SORL1-AS1: variants seen among roughly 807,000 people sequenced by gnomAD.
SORL1-AS1 encodes SORL1 antisense RNA 1.
chr11:121,451,108 T>C (rs1237671952), intron 1 of SORL1-AS1, among the ~76,000 whole-genome samples: 2 of 152,182 alleles, frequency 1.3e-5, no homozygotes, highest in Non-Finnish European at 2.9e-5. Flanking sequence ...TATGCAACTA[T>C]AAAGGTAGTC....
chr11:121,446,575 A>T (rs1860726946), downstream of SORL1-AS1, among the ~76,000 whole-genome samples: 3 of 151,880 alleles, frequency 2.0e-5, no homozygotes, highest in South Asian at 6.2e-4. Context: ...ACATGGTGAA[A>T]CCCCGTCTCT....
At chr11:121,442,157 T>C in the SORL1-AS1 span, among the ~76,000 whole-genome samples, 13 of 152,106 alleles carry the variant, frequency 8.5e-5, no homozygotes, top group Non-Finnish European at 1.8e-4. Context: ...ATTAAGTAAA[T>C]ATTTATTAGC....
At chr11:121,441,529 T>TAAAAAAAAA in the SORL1-AS1 span, among the ~76,000 whole-genome samples, 1 of 62,146 alleles carries the variant, frequency 1.6e-5, no homozygotes, top group African/African-American at 1.4e-4. Flanking sequence ...AGACTCTGTC[T>TAAAAAAAAA]CAAAAAAAAA....
At chr11:121,451,457 GCTTGGTCAC>G (rs1860791699) in intron 1 of SORL1-AS1, among the ~76,000 whole-genome samples, 1 of 152,342 alleles carries the variant, frequency 6.6e-6, no homozygotes, top group South Asian at 2.1e-4. Flanking sequence ...GTGGCTCAGT[GCTTGGTCAC>G]CTTGGAGGGA....
At chr11:121,449,067 A>T (rs1860758408) in exon 2 of SORL1-AS1, 1 of 152,196 alleles carries the variant, frequency 6.6e-6, no homozygotes, top group Non-Finnish European at 1.5e-5. Flanking sequence ...ACCTGGATAA[A>T]AATGTAGGAC....
chr11:121,451,283 G>T (rs1039826547), intron 1 of SORL1-AS1, among the ~76,000 whole-genome samples: 1 of 152,208 alleles, frequency 6.6e-6, no homozygotes, highest in African/African-American at 2.4e-5. Context: ...GCGTACCTTA[G>T]CAGTTCCATG....
chr11:121,442,998 A>G (rs901005830), downstream of SORL1-AS1, among the ~76,000 whole-genome samples: 5 of 127,034 alleles, frequency 3.9e-5, no homozygotes, highest in Non-Finnish European at 6.8e-5. Flanking sequence ...CTCACAAAAG[A>G]AAAAAAAAAA....
downstream of SORL1-AS1, among the ~76,000 whole-genome samples, chr11:121,446,792 G>A (rs1860730776): frequency 6.6e-6 from 1 of 151,648 alleles, no homozygotes; most frequent in African/African-American, 2.4e-5. Context: ...AGGAGACGTG[G>A]GCCAAAAAGC....
At chr11:121,445,680 AC>A (rs1591537054), downstream of SORL1-AS1, among the ~76,000 whole-genome samples, 1 of 151,578 alleles carries the variant, frequency 6.6e-6, no homozygotes, top group East Asian at 2.0e-4. Context: ...TCCAACTTCC[AC>A]ACACACACCT....
At chr11:121,439,124 T>C in the SORL1-AS1 span, among the ~76,000 whole-genome samples, 2 of 152,372 alleles carry the variant, frequency 1.3e-5, no homozygotes, top group Non-Finnish European at 2.9e-5. Flanking sequence ...TTAGATCACA[T>C]GATAGGTGAA....
At chr11:121,439,367 T>G in the SORL1-AS1 span, among the ~76,000 whole-genome samples, 1 of 151,976 alleles carries the variant, frequency 6.6e-6, no homozygotes, top group African/African-American at 2.4e-5. Flanking sequence ...TGGCCATGCA[T>G]GCATTCTCTT....
downstream of SORL1-AS1, among the ~76,000 whole-genome samples, chr11:121,443,627 T>A (rs893616284): frequency 1.3e-5 from 2 of 152,232 alleles, no homozygotes; most frequent in Non-Finnish European, 2.9e-5. Context: ...AGGGACTTCA[T>A]CAGAAATCCA....
exon 2 of SORL1-AS1, chr11:121,448,439 T>C (rs1860750792): frequency 6.6e-6 from 1 of 152,208 alleles, no homozygotes; most frequent in African/African-American, 2.4e-5. Context: ...TGGTAGTTAT[T>C]TGGCCAAAGT....
downstream of SORL1-AS1, among the ~76,000 whole-genome samples, chr11:121,446,538 G>A (rs369102847): frequency 2.6e-5 from 4 of 152,058 alleles, no homozygotes; most frequent in African/African-American, 9.7e-5. Context: ...ATCACCTGAG[G>A]ACGGGAGTTC....
At chr11:121,444,972 G>T (rs1335304957), downstream of SORL1-AS1, among the ~76,000 whole-genome samples, 1 of 152,158 alleles carries the variant, frequency 6.6e-6, no homozygotes, top group African/African-American at 2.4e-5. Context: ...TGCTTAGGTG[G>T]TTGGGCAGTT....
the SORL1-AS1 span, among the ~76,000 whole-genome samples, chr11:121,439,291 C>T: frequency 6.6e-6 from 1 of 151,946 alleles, no homozygotes; most frequent in African/African-American, 2.4e-5. Flanking sequence ...AGTGGTATCC[C>T]ATTGCATTTT....
At position 121,452,537 on chromosome 11, in the gene SORL1-AS1, C is replaced by T. The variant is rs1400363267; in HGVS notation, n.339+138G>A. The T allele has an allele frequency of 1.0e-5, 15 of 1,487,246 alleles. No homozygotes were observed. Among genetic ancestry groups the T allele is most frequent in the Admixed American group, 2.3e-5 (1 of 43,702 alleles). 92.1% of individuals were successfully genotyped at this position (1,487,246 alleles called of 1,614,324 possible). ...TGGGCGCGCGGGGATGCCAGGGGGG[C>T]GAGCCGCGCGGACGAGAAGCCGCTC... On this transcript the variant is annotated intron_variant and non_coding_transcript_variant, in intron 1 of 1. Transcript: ENST00000501964. The surrounding 1 kb of genome is among the most constrained non-coding windows in gnomAD (Gnocchi z 5.3).
chr11:121,444,489 TA>T (rs769657271), downstream of SORL1-AS1, among the ~76,000 whole-genome samples: 32 of 152,334 alleles, frequency 2.1e-4, no homozygotes, highest in Admixed American at 4.6e-4. Flanking sequence ...GAGCCGGATA[TA>T]AACCCAGGTG....
chr11:121,449,591 G>A (rs1243347335), exon 2 of SORL1-AS1: 1 of 152,178 alleles, frequency 6.6e-6, no homozygotes, highest in African/African-American at 2.4e-5. Flanking sequence ...ATAATAATTT[G>A]GTTGCAAAGC....
Sources: gnomAD v4.1 joint callset for allele counts (sites outside exome capture counted in the v4.1 genomes callset) on GRCh38, gnomAD v4.1.1 for gene constraint, Gnocchi (gnomAD v3.1) non-coding constraint, MANE v1.5 for transcripts, NCBI Gene and HGNC (gene_info 2026-07-23, HGNC 2026-07-21) for gene names.